Variants in SHANK2 observed in about 807,000 individuals in gnomAD.
The protein encoded by SHANK2 is SH3 and multiple ankyrin repeat domains 2, also known as SH3 and multiple ankyrin repeat domains protein 2.
In SHANK2, 43 loss-of-function variants were observed where a neutral mutation model predicts 133.7. The ratio of observed to expected loss-of-function variants is 0.32; its 90% CI spans 0.25 to 0.41. The LOEUF (loss-of-function observed/expected upper bound fraction) is 0.41, where lower values mean the gene tolerates loss of function less well. Among genes scored for constraint, SHANK2 ranks in the 10% least tolerant of loss-of-function variants. The pLI is 1.00. For synonymous variants in SHANK2, 1,017 were observed against 952.8 expected (o/e 1.07, Z -1.24); for missense variants, 1,994 against 2,235.8 (o/e 0.89, Z 2.18).
chr11:70,746,740 G>A (rs1340027573), intron 14 of SHANK2, among the ~76,000 whole-genome samples: 1 of 152,210 alleles, frequency 6.6e-6, no homozygotes, highest in South Asian at 2.1e-4. Flanking sequence ...AGGTGGCCTT[G>A]GGTGACTCTT....
chr11:71,083,884 T>C (rs1951337654), intron 8 of SHANK2, among the ~76,000 whole-genome samples: 1 of 152,188 alleles, frequency 6.6e-6, no homozygotes, highest in Admixed American at 6.5e-5. Flanking sequence ...TTCTTTATAC[T>C]TCTTTGTATT....
chr11:71,153,346 T>C (rs553971704), intron 2 of SHANK2, among the ~76,000 whole-genome samples: 15 of 152,218 alleles, frequency 9.9e-5, no homozygotes, highest in Middle Eastern at 6.8e-3. Flanking sequence ...CAATGACTCT[T>C]AGTGTGTGTT....
intron 14 of SHANK2, among the ~76,000 whole-genome samples, chr11:70,790,411 T>C (rs1947763470): frequency 6.6e-6 from 1 of 152,216 alleles, no homozygotes; most frequent in Non-Finnish European, 1.5e-5. Flanking sequence ...GCCTAGGTGT[T>C]GCTGGGAGGG....
intron 17 of SHANK2, among the ~76,000 whole-genome samples, chr11:70,552,750 A>C (rs1176941512): frequency 1.3e-5 from 2 of 152,138 alleles, no homozygotes; most frequent in Non-Finnish European, 2.9e-5. Context: ...GTCCAGCTGC[A>C]TCGGGACGTT....
chr11:71,106,755 G>C (rs1475891015), intron 6 of SHANK2, among the ~76,000 whole-genome samples: 3 of 151,984 alleles, frequency 2.0e-5, no homozygotes, highest in Admixed American at 2.0e-4. Flanking sequence ...GGAGGTCAAG[G>C]CTGCAGTGAG....
At chr11:70,946,824 C>T (rs1320507176) in intron 10 of SHANK2, among the ~76,000 whole-genome samples, 1 of 147,718 alleles carries the variant, frequency 6.8e-6, no homozygotes, top group African/African-American at 2.5e-5. Flanking sequence ...CCCTCCCTCT[C>T]CACTAACCAA....
At chr11:71,073,135 TC>T (rs1951164646) in intron 9 of SHANK2, among the ~76,000 whole-genome samples, 18 of 136,666 alleles carry the variant, frequency 1.3e-4, no homozygotes, top group African/African-American at 2.6e-4. Flanking sequence ...TTGTTTTTTT[TC>T]TTTTTCTTTT....
intron 17 of SHANK2, among the ~76,000 whole-genome samples, chr11:70,514,760 G>T (rs142905128): frequency 6.6e-6 from 1 of 152,240 alleles, no homozygotes; most frequent in East Asian, 1.9e-4. Flanking sequence ...TTAAAATAAG[G>T]TTCTAAGAAT....
chr11:70,826,731 G>T (rs1332149438), intron 11 of SHANK2: 1 of 320,948 alleles, frequency 3.1e-6, no homozygotes. Context: ...CCAACTGCAC[G>T]TAGACGGGCT....
intron 11 of SHANK2, among the ~76,000 whole-genome samples, chr11:70,872,572 G>A (rs1949486222): frequency 6.6e-6 from 1 of 151,914 alleles, no homozygotes; most frequent in Non-Finnish European, 1.5e-5. Flanking sequence ...CCCTCAGATG[G>A]AGGGAATAGG....
At chr11:70,879,739 G>A (rs1468229950) in intron 11 of SHANK2, among the ~76,000 whole-genome samples, 3 of 152,212 alleles carry the variant, frequency 2.0e-5, no homozygotes, top group Non-Finnish European at 4.4e-5. Flanking sequence ...ATGGAGGATC[G>A]ATGGGCTCTG....
chr11:70,867,315 C>T (rs1270993643), intron 11 of SHANK2, among the ~76,000 whole-genome samples: 1 of 152,088 alleles, frequency 6.6e-6, no homozygotes, highest in Non-Finnish European at 1.5e-5. Flanking sequence ...AGGGGAGGAC[C>T]AATGAGGAGA....
intron 15 of SHANK2, among the ~76,000 whole-genome samples, chr11:70,665,085 C>T (rs1172187655): frequency 6.6e-6 from 1 of 152,204 alleles, no homozygotes; most frequent in Admixed American, 6.5e-5. Flanking sequence ...AGGGACCCCT[C>T]TGATCTCGAC....
At chr11:70,848,500 G>T (rs575597323) in intron 11 of SHANK2, among the ~76,000 whole-genome samples, 2 of 152,254 alleles carry the variant, frequency 1.3e-5, no homozygotes, top group East Asian at 3.9e-4. Context: ...CAAAGCTAAG[G>T]GGCTTTTTTA....
At chr11:70,806,901 A>G in intron 13 of SHANK2, 101 bp downstream of exon 13, 1 of 618,068 alleles carries the variant, frequency 1.6e-6, no homozygotes, top group Non-Finnish European at 2.9e-6. Flanking sequence ...CGTGTTTTCC[A>G]TGGAGAAGCA....
chr11:71,169,033 C>A (rs1347455263), intron 2 of SHANK2, among the ~76,000 whole-genome samples: 3 of 152,104 alleles, frequency 2.0e-5, no homozygotes, highest in Non-Finnish European at 4.4e-5. Context: ...TTTGCCATTT[C>A]TTTAAATGGC....
chr11:70,730,504 C>A (rs1001948521), intron 14 of SHANK2, among the ~76,000 whole-genome samples: 1 of 152,122 alleles, frequency 6.6e-6, no homozygotes, highest in Non-Finnish European at 1.5e-5. Flanking sequence ...CCAATGCCCA[C>A]CCCTGTAACG....
chr11:70,787,821 A>G (rs1429848497), intron 14 of SHANK2, among the ~76,000 whole-genome samples: 1 of 152,192 alleles, frequency 6.6e-6, no homozygotes, highest in African/African-American at 2.4e-5. Flanking sequence ...AACAGATGTC[A>G]GCTCAGATGT....
At chr11:71,082,221 C>A (rs1299212850) in intron 8 of SHANK2, among the ~76,000 whole-genome samples, 1 of 152,220 alleles carries the variant, frequency 6.6e-6, no homozygotes, top group African/African-American at 2.4e-5. Context: ...CACCTGGCTG[C>A]TGTTCACGCT....
Sources: gnomAD v4.1 joint callset for allele counts (sites outside exome capture counted in the v4.1 genomes callset) on GRCh38, gnomAD v4.1.1 for gene constraint, MANE v1.5 for transcripts, NCBI Gene and HGNC (gene_info 2026-07-23, HGNC 2026-07-21) for gene names.